The following MMP28 variants were observed in gnomAD, a reference collection of about 807,000 sequenced individuals.
MMP28 encodes the protein matrix metallopeptidase 28.
In MMP28, 55 loss-of-function variants were observed where a neutral mutation model predicts 60.5. That is an observed-to-expected ratio of 0.91 (90% CI 0.73 to 1.14). The LOEUF (loss-of-function observed/expected upper bound fraction) is 1.14, where lower values mean the gene tolerates loss of function less well. Among genes scored for constraint, MMP28 ranks in the 50% most tolerant of loss-of-function variants. The pLI is 0.00. For synonymous variants in MMP28, 318 were observed against 312.5 expected, an observed-to-expected ratio of 1.02 and a Z score of -0.18; for missense variants, 686 against 738.3, an observed-to-expected ratio of 0.93 and a Z score of 0.82.
intron 3 of MMP28, among the ~76,000 whole-genome samples, chr17:35,776,858 C>T (rs977325428): frequency 6.6e-6 from 1 of 151,770 alleles, no homozygotes; most frequent in Non-Finnish European, 1.5e-5. Flanking sequence ...CATTGCACTC[C>T]AGCATGAGTG....
At chr17:35,793,597 A>G (rs181863777) in intron 1 of MMP28, among the ~76,000 whole-genome samples, 88 of 152,274 alleles carry the variant, frequency 5.8e-4, no homozygotes, top group African/African-American at 2.0e-3. Flanking sequence ...ATTCCCCAGT[A>G]GTGATGGGAG....
Position 35,770,220 on chromosome 17 carries a change from T to G in MMP28, c.697A>C (p.Asn233His). The G allele has an allele frequency of 6.3e-7, 1 of 1,598,900 alleles. No homozygotes were observed. The highest frequency in any genetic ancestry group is 8.5e-7 in the Non-Finnish European group (1 of 1,177,170). Reference protein sequence around the residue: ...RWSLSRRRGRNLFVVLAHEIG... With the variant: ...RWSLSRRRGRHLFVVLAHEIG... Reference sequence around the variant, plus strand: ...TCGTGCGCCAGCACCACGAACAGGTTGCGCCCGCGGCGGCGGCTCAGGGAC... The same window carrying G: ...TCGTGCGCCAGCACCACGAACAGGTGGCGCCCGCGGCGGCGGCTCAGGGAC... The change falls in exon 5 of 8, where the codon AAC (asparagine) becomes CAC (histidine). Residue 233 changes from asparagine (N) to histidine (H), a missense_variant. Transcript: ENST00000605424.
chr17:35,770,250 G>C lies in MMP28; in HGVS notation c.667C>G (p.Arg223Gly). 1 of 1,585,988 alleles carries C rather than the reference G, an allele frequency of 6.3e-7. No individual in the cohort carries two copies. The highest frequency in any genetic ancestry group is 1.1e-5 in the South Asian group (1 of 89,040). The change falls in exon 5 of 8, where the codon CGC (arginine) becomes GGC (glycine). Residue 223 changes from arginine (R) to glycine (G), a missense_variant. Transcript: ENST00000605424. ...CCGCGGCGGCGGCTCAGGGACCAGC[G>C]CTCATCTTGGTCGAAGTGCGCTTCG... ...RGEAHFDQDE[R>G]WSLSRRRGRN...
intron 1 of MMP28, among the ~76,000 whole-genome samples, chr17:35,784,915 G>T (rs954783906): frequency 4.6e-5 from 7 of 152,154 alleles, no homozygotes. Context: ...CTCTCTTAGG[G>T]AGCCCAAGGC....
downstream of MMP28, among the ~76,000 whole-genome samples, chr17:35,762,042 A>C (rs1319782152): frequency 6.6e-6 from 1 of 151,970 alleles, no homozygotes; most frequent in Non-Finnish European, 1.5e-5. Context: ...TCAGGCTGGA[A>C]TGCAGTGGCG....
intron 3 of MMP28, among the ~76,000 whole-genome samples, chr17:35,776,565 C>T (rs964649353): frequency 1.3e-5 from 2 of 152,132 alleles, no homozygotes; most frequent in African/African-American, 4.8e-5. Flanking sequence ...TTTTATGTGG[C>T]AACTGAGTAA....
rs372881071 is a variant in MMP28, at chr17:35,770,249, C to A, written c.668G>T (p.Arg223Leu). ...RGEAHFDQDE[R>L]WSLSRRRGRN... ...CCCGCGGCGGCGGCTCAGGGACCAG[C>A]GCTCATCTTGGTCGAAGTGCGCTTC... Residue 223 changes from arginine (R) to leucine (L), a missense_variant, in exon 5 of 8, where the codon CGC (arginine) becomes CTC (leucine). Arg to Leu is a moderately radical substitution (Grantham distance 102). Transcript: ENST00000605424. 7 of 1,586,536 alleles carry A rather than the reference C, an allele frequency of 4.4e-6. No individual in the cohort carries two copies. The highest frequency in any genetic ancestry group is 1.7e-5 in the Admixed American group (1 of 57,868).
chr17:35,761,026 A>G, downstream of MMP28: 1 of 1,513,582 alleles, frequency 6.6e-7, no homozygotes, highest in Non-Finnish European at 8.9e-7. Flanking sequence ...AATCCAGCCC[A>G]TCACCATGAA....
chr17:35,764,385 G>A (rs1374364710), downstream of MMP28: 2 of 1,470,072 alleles, frequency 1.4e-6, no homozygotes, highest in African/African-American at 1.5e-5. Context: ...CCAGGGAGGA[G>A]GGGCTGCCCC....
chr17:35,772,094 G>T (rs1450885878), intron 4 of MMP28, among the ~76,000 whole-genome samples: 1 of 152,092 alleles, frequency 6.6e-6, no homozygotes. Context: ...CCTCCTGGGG[G>T]CATGGAAAGT....
intron 3 of MMP28, among the ~76,000 whole-genome samples, chr17:35,773,620 G>T (rs2086239110): frequency 6.6e-6 from 1 of 152,202 alleles, no homozygotes; most frequent in Admixed American, 6.5e-5. Flanking sequence ...CCTTACCCTG[G>T]ACAGTCCCCA....
At chr17:35,762,851 C>G (rs1361985114), downstream of MMP28, among the ~76,000 whole-genome samples, 1 of 151,906 alleles carries the variant, frequency 6.6e-6, no homozygotes, top group Non-Finnish European at 1.5e-5. Context: ...AGTGGCCAGG[C>G]GCGGTGGCTC....
chr17:35,791,469 T>C (rs190785576), intron 1 of MMP28, among the ~76,000 whole-genome samples: 10 of 152,168 alleles, frequency 6.6e-5, no homozygotes, highest in Non-Finnish European at 1.5e-4. Flanking sequence ...GCCCAGGAGA[T>C]TGAGGCCGCA....
chr17:35,768,454 C>G, intron 5 of MMP28, 75 bp from the exon 6 acceptor site: 1 of 1,221,294 alleles, frequency 8.2e-7, no homozygotes, highest in South Asian at 1.8e-5. Context: ...CAAGACCTTC[C>G]CTTGGTTACT....
intron 1 of MMP28, among the ~76,000 whole-genome samples, chr17:35,782,208 C>T (rs374103162): frequency 2.0e-5 from 3 of 152,128 alleles, no homozygotes; most frequent in African/African-American, 7.2e-5. Context: ...CCCACCACCA[C>T]ACCCAGCTAA....
chr17:35,787,097 A>C (rs964714413), intron 1 of MMP28, among the ~76,000 whole-genome samples: 17 of 152,198 alleles, frequency 1.1e-4, no homozygotes, highest in Non-Finnish European at 2.2e-4. Flanking sequence ...CTCTCAATTA[A>C]GAAAAAGGTC....
chr17:35,763,485 C>G (rs1555601919), downstream of MMP28, among the ~76,000 whole-genome samples: 1 of 147,182 alleles, frequency 6.8e-6, no homozygotes. Context: ...AGAGTCTGAC[C>G]TTGTTGCCCA....
intron 3 of MMP28, among the ~76,000 whole-genome samples, chr17:35,774,898 A>G (rs1247532941): frequency 6.6e-6 from 1 of 152,210 alleles, no homozygotes; most frequent in Non-Finnish European, 1.5e-5. Context: ...TGAGTCTTCA[A>G]TGGGCGCTGG....
chr17:35,784,615 G>T (rs1297640563), intron 1 of MMP28, among the ~76,000 whole-genome samples: 1 of 152,136 alleles, frequency 6.6e-6, no homozygotes, highest in Non-Finnish European at 1.5e-5. Context: ...AGGGGTGTGG[G>T]GTCAGGGTGG....
Sources: gnomAD v4.1 joint callset for allele counts (sites outside exome capture counted in the v4.1 genomes callset) on GRCh38, gnomAD v4.1.1 for gene constraint, MANE v1.5 for transcripts, NCBI Gene and HGNC (gene_info 2026-07-23, HGNC 2026-07-21) for gene names.